Variants in PGPEP1L observed in about 807,000 individuals in gnomAD.
PGPEP1L encodes pyroglutamyl-peptidase I like.
In PGPEP1L, 7 loss-of-function variants were observed where a neutral mutation model predicts 6.0. The ratio of observed to expected loss-of-function variants is 1.17; its 90% CI spans 0.66 to 2.19. PGPEP1L has a LOEUF of 2.19. Among genes scored for constraint, PGPEP1L ranks in the 30% most tolerant of loss-of-function variants. PGPEP1L has a pLI of 0.00. For missense variants in PGPEP1L, 209 were observed against 192.5 expected (o/e 1.09, Z -0.51); for synonymous variants, 103 against 83.9 (o/e 1.23, Z -1.24).
intron 2 of PGPEP1L, among the ~76,000 whole-genome samples, chr15:98,993,741 G>A (rs2017849982): frequency 6.6e-6 from 1 of 151,968 alleles, no homozygotes; most frequent in Non-Finnish European, 1.5e-5. Flanking sequence ...GTTGATGGGT[G>A]CAGCAAACCA....
chr15:98,971,206 G>C (rs752974156), intron 2 of PGPEP1L, 48 bp from the exon 3 acceptor site: 14 of 195,752 alleles, frequency 7.2e-5, no homozygotes, highest in African/African-American at 4.3e-4. Flanking sequence ...GGGGGGGGGG[G>C]GGGGTGGGCA....
At chr15:98,969,771 C>T (rs2017466334) in intron 3 of PGPEP1L, 120 bp from the exon 4 acceptor site, 2 of 989,006 alleles carry the variant, frequency 2.0e-6, no homozygotes, top group African/African-American at 3.2e-5. Flanking sequence ...TCTCAAACCC[C>T]AAATCCACTG....
chr15:98,970,065 A>G (rs1359293398), intron 3 of PGPEP1L, among the ~76,000 whole-genome samples: 1 of 152,002 alleles, frequency 6.6e-6, no homozygotes, highest in Non-Finnish European at 1.5e-5. Context: ...ATTTATTTTT[A>G]TGAGACAGAG....
intron 2 of PGPEP1L, among the ~76,000 whole-genome samples, chr15:98,975,355 G>T (rs190110142): frequency 1.3e-5 from 2 of 152,182 alleles, no homozygotes; most frequent in Admixed American, 6.5e-5. Flanking sequence ...AAAGAGGTTG[G>T]TTATTGGATA....
At chr15:99,006,421 C>T (rs1327445432) in intron 1 of PGPEP1L, among the ~76,000 whole-genome samples, 4 of 152,248 alleles carry the variant, frequency 2.6e-5, no homozygotes, top group Admixed American at 6.5e-5. Context: ...TGCAGACAGT[C>T]CTCTTTTTAA....
At chr15:98,971,640 C>A (rs1022107497) in intron 2 of PGPEP1L, among the ~76,000 whole-genome samples, 1 of 152,174 alleles carries the variant, frequency 6.6e-6, no homozygotes, top group Non-Finnish European at 1.5e-5. Context: ...AATGCCAGAC[C>A]TGTCTTACAA....
chr15:98,996,497 T>G (rs1227827811), intron 2 of PGPEP1L, among the ~76,000 whole-genome samples: 4 of 145,230 alleles, frequency 2.8e-5, no homozygotes, highest in African/African-American at 1.0e-4. Context: ...TATGTCTAGA[T>G]GTATACATGC....
chr15:99,001,751 CCT>C (rs1280590471), intron 2 of PGPEP1L, among the ~76,000 whole-genome samples: 1 of 151,946 alleles, frequency 6.6e-6, no homozygotes, highest in African/African-American at 2.4e-5. Context: ...AGAGTCTCAC[CCT>C]GTCACGTAGG....
At chr15:99,006,551 A>T (rs2018066602) in intron 1 of PGPEP1L, among the ~76,000 whole-genome samples, 1 of 152,268 alleles carries the variant, frequency 6.6e-6, no homozygotes, top group Non-Finnish European at 1.5e-5. Context: ...ACTTTTGGCC[A>T]GGTGCACTGG....
chr15:98,970,340 G>A (rs926490903), intron 3 of PGPEP1L, among the ~76,000 whole-genome samples: 22 of 152,106 alleles, frequency 1.4e-4, no homozygotes, highest in Middle Eastern at 3.2e-3. Flanking sequence ...CACCGTGCCC[G>A]CCTCCTGCAT....
intron 2 of PGPEP1L, among the ~76,000 whole-genome samples, chr15:98,996,088 G>A (rs2017884118): frequency 6.6e-6 from 1 of 151,848 alleles, no homozygotes; most frequent in Non-Finnish European, 1.5e-5. Flanking sequence ...GCTTACTTTT[G>A]TGATTCTATC....
intron 2 of PGPEP1L, among the ~76,000 whole-genome samples, chr15:98,985,972 CAT>C (rs370236565): frequency 6.6e-5 from 10 of 152,270 alleles, no homozygotes; most frequent in Non-Finnish European, 1.0e-4. Context: ...TGCTTTCTTC[CAT>C]ATGTTTTTCA....
chr15:99,000,105 T>C (rs1481022063), intron 2 of PGPEP1L, among the ~76,000 whole-genome samples: 5 of 152,220 alleles, frequency 3.3e-5, no homozygotes, highest in Non-Finnish European at 5.9e-5. Context: ...CAGCGCGAAT[T>C]CCGGGTGGGC....
chr15:98,972,049 T>C (rs1328897538), intron 2 of PGPEP1L, among the ~76,000 whole-genome samples: 1 of 152,136 alleles, frequency 6.6e-6, no homozygotes, highest in African/African-American at 2.4e-5. Flanking sequence ...CTGTTAGAGA[T>C]ACATTAAAAA....
chr15:98,997,412 C>T (rs1227573431), intron 2 of PGPEP1L, among the ~76,000 whole-genome samples: 2 of 152,188 alleles, frequency 1.3e-5, no homozygotes, highest in Non-Finnish European at 2.9e-5. Flanking sequence ...AAAGACCTCA[C>T]CTTGATCCAA....
At chr15:98,985,061 G>C (rs1001279460) in intron 2 of PGPEP1L, among the ~76,000 whole-genome samples, 62 of 152,230 alleles carry the variant, frequency 4.1e-4, no homozygotes, top group Admixed American at 1.1e-3. Flanking sequence ...AGAAGATTGA[G>C]CAGCCTATAG....
chr15:99,001,502 T>C (rs1193380846), intron 2 of PGPEP1L, among the ~76,000 whole-genome samples: 1 of 152,134 alleles, frequency 6.6e-6, no homozygotes, highest in Non-Finnish European at 1.5e-5. Flanking sequence ...AATATGTAAC[T>C]TCGTGACTAT....
At chr15:98,983,536 G>C (rs1344760773) in intron 2 of PGPEP1L, among the ~76,000 whole-genome samples, 1 of 152,140 alleles carries the variant, frequency 6.6e-6, no homozygotes, top group Non-Finnish European at 1.5e-5. Context: ...GACTCACCAG[G>C]CTGAGGCACT....
intron 2 of PGPEP1L, among the ~76,000 whole-genome samples, chr15:98,971,458 C>T (rs1001962499): frequency 2.0e-5 from 3 of 151,992 alleles, no homozygotes; most frequent in South Asian, 4.2e-4. Context: ...AGTACCACTG[C>T]GCTCCAGCCT....
Sources: allele counts gnomAD v4.1 joint callset (sites outside exome capture counted in the v4.1 genomes callset), GRCh38; gene constraint gnomAD v4.1.1; transcripts MANE v1.5; gene names NCBI Gene and HGNC (gene_info 2026-07-23, HGNC 2026-07-21).